GALNT17: variants seen among roughly 807,000 people sequenced by gnomAD.
GALNT17 encodes the protein UDP-GalNAc:polypeptide N-acetylgalactosaminyltransferase-like 3.
Under a neutral mutation model 63.7 loss-of-function variants are expected in GALNT17, and 29 were observed. That is an observed-to-expected ratio of 0.46 (90% CI 0.34 to 0.62). GALNT17 has a LOEUF of 0.62. Ranked by LOEUF, GALNT17 falls within the 20% of genes least tolerant of loss-of-function variation. The pLI is 0.01. For synonymous variants in GALNT17, 305 were observed against 318.3 expected (o/e 0.96, Z 0.45); for missense variants, 603 against 799.6 (o/e 0.75, Z 2.97).
intron 5 of GALNT17, among the ~76,000 whole-genome samples, chr7:71,530,463 C>T (rs1184755400): frequency 6.6e-6 from 1 of 152,144 alleles, no homozygotes; most frequent in East Asian, 1.9e-4. Context: ...CCTACATCAG[C>T]AGCCTGGGAG....
intron 1 of GALNT17, among the ~76,000 whole-genome samples, chr7:71,211,051 A>G (rs948832748): frequency 6.6e-6 from 1 of 152,160 alleles, no homozygotes; most frequent in East Asian, 1.9e-4. Context: ...TTACTAAACC[A>G]TATTACTAAA....
intron 1 of GALNT17, among the ~76,000 whole-genome samples, chr7:71,154,819 A>C (rs1407210469): frequency 6.6e-6 from 1 of 151,588 alleles, no homozygotes; most frequent in Non-Finnish European, 1.5e-5. Context: ...CTCATGATCC[A>C]CCCGCCTTGG....
intron 5 of GALNT17, among the ~76,000 whole-genome samples, chr7:71,558,018 G>C (rs1211853230): frequency 6.6e-6 from 1 of 152,110 alleles, no homozygotes; most frequent in African/African-American, 2.4e-5. Flanking sequence ...AGATTGCAGT[G>C]AGCTGAGATC....
At chr7:71,400,462 T>G (rs181383384) in intron 3 of GALNT17, among the ~76,000 whole-genome samples, 3 of 152,322 alleles carry the variant, frequency 2.0e-5, no homozygotes, top group East Asian at 3.9e-4. Context: ...TTCATAATCT[T>G]TTTTGGCAAG....
chr7:71,352,314 C>T (rs73181669), intron 2 of GALNT17, among the ~76,000 whole-genome samples: 18,815 of 152,168 alleles, frequency 0.12, 1,459 homozygotes, highest in Middle Eastern at 0.24. Flanking sequence ...ACCTCTTTTA[C>T]TTTATAAATT....
chr7:71,479,322 T>C (rs567811061), intron 5 of GALNT17, among the ~76,000 whole-genome samples: 1 of 152,272 alleles, frequency 6.6e-6, no homozygotes, highest in Admixed American at 6.5e-5. Context: ...GTTATTTTTT[T>C]CCCCACTCAG....
chr7:71,316,314 G>A (rs1023741937), intron 1 of GALNT17, among the ~76,000 whole-genome samples: 3 of 143,536 alleles, frequency 2.1e-5, no homozygotes, highest in Non-Finnish European at 1.5e-5. Flanking sequence ...GGAACAGGGT[G>A]GGCTGGGTCT....
intron 1 of GALNT17, among the ~76,000 whole-genome samples, chr7:71,277,549 A>G (rs1394743712): frequency 1.3e-5 from 2 of 152,254 alleles, no homozygotes; most frequent in Non-Finnish European, 2.9e-5. Flanking sequence ...AACTTGTTAC[A>G]CAGTATATGA....
At chr7:71,392,770 A>T (rs1056223278) in intron 3 of GALNT17, among the ~76,000 whole-genome samples, 3 of 152,142 alleles carry the variant, frequency 2.0e-5, no homozygotes, top group Non-Finnish European at 4.4e-5. Flanking sequence ...GGAGTTGACG[A>T]TATTAACATG....
rs191351974 is a variant in GALNT17 at position 71,138,858 on chromosome 7, C to G, written c.238+5818C>G. ...GGCGTGGTGGCTGGTGCCTGTAATC[C>G]CAGCTACTCTGGAGGCTGAGTCAGG... On this transcript the variant is annotated intron_variant, in intron 1 of 10. Transcript: ENST00000333538. Among the ~76,000 whole-genome samples, 120 of 152,254 alleles carry G rather than the reference C, an allele frequency of 7.9e-4. 2 individuals carry two copies. In the East Asian group the frequency reaches 0.022, roughly 28 times the overall value.
chr7:71,290,480 G>C (rs967902456), intron 1 of GALNT17, among the ~76,000 whole-genome samples: 3 of 152,090 alleles, frequency 2.0e-5, no homozygotes, highest in Non-Finnish European at 4.4e-5. Flanking sequence ...AGGAACCTTG[G>C]GGAGGGAGAA....
intron 8 of GALNT17, among the ~76,000 whole-genome samples, chr7:71,671,472 C>T (rs1791068492): frequency 6.6e-6 from 1 of 152,200 alleles, no homozygotes; most frequent in African/African-American, 2.4e-5. Flanking sequence ...GTTAAGTCAT[C>T]AGGGTGTAGA....
intron 5 of GALNT17, among the ~76,000 whole-genome samples, chr7:71,457,198 C>A (rs141774991): frequency 3.3e-5 from 5 of 152,126 alleles, no homozygotes; most frequent in African/African-American, 4.8e-5. Context: ...AACCCTCTGA[C>A]GGAAAAGATC....
intron 1 of GALNT17, among the ~76,000 whole-genome samples, chr7:71,133,678 C>A (rs564679298): frequency 6.6e-6 from 1 of 152,230 alleles, no homozygotes; most frequent in African/African-American, 2.4e-5. Context: ...CAGAATGTAG[C>A]ACAGAGAGAT....
chr7:71,580,001 A>G (rs1308979287), intron 6 of GALNT17, among the ~76,000 whole-genome samples: 2 of 152,058 alleles, frequency 1.3e-5, no homozygotes, highest in Non-Finnish European at 2.9e-5. Context: ...TAGAGATAGT[A>G]GGTAATAGAG....
At chr7:71,441,451 GT>G (rs1184752856) in intron 5 of GALNT17, among the ~76,000 whole-genome samples, 1 of 151,876 alleles carries the variant, frequency 6.6e-6, no homozygotes, top group South Asian at 2.1e-4. Context: ...ACCCTCCACA[GT>G]TTTTTTTCTT....
At chr7:71,475,418 A>G (rs1199890762) in intron 5 of GALNT17, among the ~76,000 whole-genome samples, 1 of 152,200 alleles carries the variant, frequency 6.6e-6, no homozygotes, top group Admixed American at 6.5e-5. Flanking sequence ...ATCATCAGGC[A>G]TTAGATTCTC....
chr7:71,669,003 A>C (rs555189566), intron 7 of GALNT17, among the ~76,000 whole-genome samples: 2 of 152,322 alleles, frequency 1.3e-5, no homozygotes, highest in East Asian at 3.9e-4. Context: ...TAATCAAATA[A>C]TTCCTCTAAT....
chr7:71,379,815 T>C (rs1321829502), intron 2 of GALNT17, among the ~76,000 whole-genome samples: 1 of 152,058 alleles, frequency 6.6e-6, no homozygotes, highest in Non-Finnish European at 1.5e-5. Flanking sequence ...GCTAGAGATG[T>C]GGGTTTGGGA....
Sources: gnomAD v4.1 joint callset for allele counts (sites outside exome capture counted in the v4.1 genomes callset) on GRCh38, gnomAD v4.1.1 for gene constraint, MANE v1.5 for transcripts, NCBI Gene and HGNC (gene_info 2026-07-23, HGNC 2026-07-21) for gene names.